Variants in BRI3 observed in about 807,000 individuals in gnomAD.
BRI3 encodes the protein membrane protein BRI3.
In BRI3, 6 loss-of-function variants were observed where a neutral mutation model predicts 12.8. That is an observed-to-expected ratio of 0.47 (90% CI 0.26 to 0.93). The LOEUF is 0.93. Among genes scored for constraint, BRI3 ranks in the 40% least tolerant of loss-of-function variants. The pLI, the probability that BRI3 is intolerant of heterozygous loss-of-function variation, is 0.15. For missense variants in BRI3, 134 were observed against 171.1 expected, an observed-to-expected ratio of 0.78 and a Z score of 1.21; for synonymous variants, 91 against 76.1, an observed-to-expected ratio of 1.20 and a Z score of -1.02.
the BRI3 span, chr7:98,315,727 T>C: frequency 2.3e-5 from 10 of 428,194 alleles, no homozygotes; most frequent in East Asian, 3.5e-4. Context: ...ATTTGAATAA[T>C]AGAGTAAATA....
chr7:98,309,558 T>G (rs191488618), exon 2 of BRI3: 1 of 152,394 alleles, frequency 6.6e-6, no homozygotes, highest in East Asian at 1.9e-4. Flanking sequence ...TTTAGTTAAC[T>G]GACAGGACTT....
chr7:98,301,454 C>A (rs903163975), intron 1 of BRI3, among the ~76,000 whole-genome samples: 51 of 147,718 alleles, frequency 3.5e-4, no homozygotes, highest in African/African-American at 1.2e-3. Context: ...AGCCTGAAAG[C>A]CTTCTAGCTT....
At chr7:98,314,815 G>A (rs557175840), downstream of BRI3, among the ~76,000 whole-genome samples, 4 of 152,350 alleles carry the variant, frequency 2.6e-5, no homozygotes, top group East Asian at 7.7e-4. Flanking sequence ...CAGCCATGGT[G>A]AAGACACTGA....
At chr7:98,318,361 C>T in the BRI3 span, among the ~76,000 whole-genome samples, 1 of 152,206 alleles carries the variant, frequency 6.6e-6, no homozygotes, top group Admixed American at 6.5e-5. Context: ...TGAGATCGCG[C>T]CACTGCACTC....
In BRI3 at chr7:98,287,622, G is replaced by C. The variant is rs565995821; in HGVS notation, c.246-3489G>C. Among the ~76,000 whole-genome samples the C allele has an allele frequency of 2.0e-5, 3 of 152,226 alleles. No homozygotes were observed. The East Asian group carries it at 5.8e-4, about 29-fold the overall frequency. On this transcript the variant is annotated intron_variant, in intron 2 of 2. Transcript: ENST00000297290. ...CCTGGCCCGTGGCAGTGGGAGTGCA[G>C]CAAGAGTGAGCAGCCTTCCTGCACT...
At chr7:98,306,779 C>T (rs760866052) in intron 1 of BRI3, 1 of 463,516 alleles carries the variant, frequency 2.2e-6, no homozygotes, top group South Asian at 2.2e-5. Flanking sequence ...GCGATCATAG[C>T]TCACAGCAGC....
At chr7:98,299,811 C>T (rs941862295) in intron 1 of BRI3, among the ~76,000 whole-genome samples, 3 of 152,208 alleles carry the variant, frequency 2.0e-5, no homozygotes, top group East Asian at 3.9e-4. Context: ...GAGGCTGAGG[C>T]GGGAGGATCA....
rs776877376 is a variant in BRI3 at position 98,308,253 on chromosome 7, G to A, written n.883G>A. The A allele has an allele frequency of 1.4e-5, 7 of 484,078 alleles. No homozygotes were observed. The East Asian group carries it at 3.1e-4, about 21-fold the overall frequency. 30.0% of individuals were successfully genotyped at this position (484,078 alleles called of 1,614,324 possible). A position where few individuals can be genotyped will look rare whatever the true frequency, so the allele number is the denominator to read the frequency against. On this transcript the variant is annotated non_coding_transcript_exon_variant, in exon 2 of 2. Transcript: ENST00000485422. ...ACCGCTCCAACGCCAAACTGCCCTCGCAATTCCAATCGCAAAGGCAGGCTA... is the reference window on the plus strand; with the variant it reads ...ACCGCTCCAACGCCAAACTGCCCTCACAATTCCAATCGCAAAGGCAGGCTA...
exon 2 of BRI3, chr7:98,307,933 G>C: frequency 1.3e-6 from 2 of 1,598,864 alleles, no homozygotes; most frequent in African/African-American, 2.7e-5. Flanking sequence ...GCTTTTCAAA[G>C]CATGAGAATC....
rs1360851276 is a variant in BRI3, at chr7:98,310,264, A to G, written n.2894A>G. On this transcript the variant is annotated non_coding_transcript_exon_variant, in exon 2 of 2. Coordinates refer to the BRI3 transcript ENST00000485422. ...AATGTATCACTTATCAGAGCGTCTC[A>G]CAGTCTAGTCCTGTATTTCTTCTGA... The G allele has an allele frequency of 7.3e-5, 42 of 576,846 alleles. 1 individual carries two copies. The highest frequency in any genetic ancestry group is 2.0e-5 in the Non-Finnish European group (7 of 341,770). The allele number at this position is 576,846 out of a possible 1,614,324, so 35.7% of individuals were successfully genotyped here.
rs375180244 is a variant in BRI3, at chr7:98,282,024, C to T, written c.142+87C>T. ...CGTGGGTCCGGAGGCGGGTGGGGCC[C>T]GCCCGGGGGTCCTTCCTGGAGCTGG... On this transcript the variant is annotated intron_variant, in intron 1 of 2. Transcript: ENST00000297290. 4.6e-6 allele frequency: 6 copies of T among 1,303,232 alleles called. No homozygotes were observed. The African/African-American group carries it at 4.7e-5, about 10-fold the overall frequency. The allele number at this position is 1,303,232 out of a possible 1,614,324, so 80.7% of individuals were successfully genotyped here.
chr7:98,290,931 T>G (rs904384271), intron 2 of BRI3, among the ~76,000 whole-genome samples, 180 bp from the exon 3 acceptor site: 4 of 151,846 alleles, frequency 2.6e-5, no homozygotes, highest in African/African-American at 9.7e-5. Context: ...TTCTTGGGGC[T>G]CTCCAGGCCA....
At chr7:98,282,492 T>A (rs899934491) in intron 2 of BRI3, 39 bp downstream of exon 2, 7 of 1,552,824 alleles carry the variant, frequency 4.5e-6, no homozygotes, top group Admixed American at 1.7e-5. Flanking sequence ...CCCTGGAAGC[T>A]CTGAGGACCC....
the BRI3 span, among the ~76,000 whole-genome samples, chr7:98,318,937 C>A: frequency 8.1e-6 from 1 of 123,284 alleles, no homozygotes; most frequent in African/African-American, 2.8e-5. Flanking sequence ...CAGAGCAGGA[C>A]TCCATCTCAA....
At chr7:98,311,885 G>A (rs1403385785), downstream of BRI3, among the ~76,000 whole-genome samples, 4 of 152,078 alleles carry the variant, frequency 2.6e-5, no homozygotes, top group Non-Finnish European at 4.4e-5. Flanking sequence ...CAGCCTGGGC[G>A]ACAGAGCAAG....
At chr7:98,293,767 T>C (rs1022698931), downstream of BRI3, among the ~76,000 whole-genome samples, 1 of 152,250 alleles carries the variant, frequency 6.6e-6, no homozygotes, top group Admixed American at 6.5e-5. Flanking sequence ...TCAGTGATGA[T>C]TCCTACACCA....
intron 2 of BRI3, among the ~76,000 whole-genome samples, chr7:98,284,600 C>T (rs1206453551): frequency 6.6e-6 from 1 of 152,234 alleles, no homozygotes; most frequent in Non-Finnish European, 1.5e-5. Context: ...GCCCCAGGTC[C>T]AGCCCGCCGG....
downstream of BRI3, among the ~76,000 whole-genome samples, chr7:98,311,562 A>C (rs991507886): frequency 6.6e-6 from 1 of 151,908 alleles, no homozygotes; most frequent in Non-Finnish European, 1.5e-5. Flanking sequence ...AAATAAAAAA[A>C]AAACAGTAAG....
At chr7:98,312,117 T>C (rs1800896462), downstream of BRI3, 2 of 1,606,648 alleles carry the variant, frequency 1.2e-6, no homozygotes, top group African/African-American at 1.3e-5. Context: ...CTCTCGATCA[T>C]GGGTGAAGCC....
Sources: allele counts gnomAD v4.1 joint callset (sites outside exome capture counted in the v4.1 genomes callset), GRCh38; gene constraint gnomAD v4.1.1; transcripts MANE v1.5; gene names NCBI Gene and HGNC (gene_info 2026-07-23, HGNC 2026-07-21).